LMBRD1: variants seen among roughly 807,000 people sequenced by gnomAD.
LMBRD1 encodes LMBR1 domain containing 1, also known as lysosomal cobalamin transport escort protein LMBD1.
In LMBRD1, 64 loss-of-function variants were observed where a neutral mutation model predicts 74.8. The observed-to-expected ratio is 0.86, with a 90% CI of 0.70 to 1.05. The LOEUF (loss-of-function observed/expected upper bound fraction) is 1.05. LMBRD1 is among the 50% of genes least tolerant of loss of function. The pLI is 0.00. For synonymous variants in LMBRD1, 204 were observed against 216.3 expected (o/e 0.94, Z 0.50); for missense variants, 652 against 645.9 (o/e 1.01, Z -0.10).
intron 9 of LMBRD1, among the ~76,000 whole-genome samples, chr6:69,707,045 G>T (rs529627908): frequency 1.9e-4 from 29 of 152,272 alleles, no homozygotes; most frequent in African/African-American, 6.7e-4. Context: ...TGCTCTTTCA[G>T]ATTGTTGGCT....
intron 7 of LMBRD1, among the ~76,000 whole-genome samples, chr6:69,724,158 C>G (rs937622290): frequency 1.3e-5 from 2 of 151,468 alleles, no homozygotes; most frequent in African/African-American, 4.8e-5. Context: ...GTAACAAGAT[C>G]AAAACTGTAA....
At chr6:69,767,117 C>G (rs1765488379) in intron 3 of LMBRD1, among the ~76,000 whole-genome samples, 1 of 151,638 alleles carries the variant, frequency 6.6e-6, no homozygotes, top group Non-Finnish European at 1.5e-5. Flanking sequence ...TCCCAATGCC[C>G]TAAGTCTGGC....
intron 11 of LMBRD1, 93 bp from the exon 12 acceptor site, chr6:69,700,962 C>A: frequency 2.3e-6 from 2 of 875,076 alleles, no homozygotes; most frequent in South Asian, 2.4e-5. Context: ...TATTCTCATC[C>A]GGCAAATGTT....
At chr6:69,795,267 C>T (rs1411009491) in intron 1 of LMBRD1, among the ~76,000 whole-genome samples, 6 of 152,176 alleles carry the variant, frequency 3.9e-5, no homozygotes, top group African/African-American at 1.4e-4. Flanking sequence ...GTAATATTGC[C>T]AACTTAAATG....
intron 3 of LMBRD1, among the ~76,000 whole-genome samples, chr6:69,754,062 C>T (rs1434565809): frequency 1.3e-5 from 2 of 151,984 alleles, no homozygotes; most frequent in Admixed American, 6.6e-5. Flanking sequence ...TACGATATGA[C>T]TCTACTTATA....
intron 3 of LMBRD1, among the ~76,000 whole-genome samples, chr6:69,763,311 C>CA (rs960398450): frequency 2.3e-4 from 34 of 146,994 alleles, no homozygotes; most frequent in East Asian, 1.6e-3. Context: ...ATCCACATTG[C>CA]AAAAAAAAAT....
intron 5 of LMBRD1, among the ~76,000 whole-genome samples, chr6:69,743,110 A>T (rs982019863): frequency 1.7e-4 from 26 of 152,290 alleles, no homozygotes; most frequent in Non-Finnish European, 3.2e-4. Context: ...ACACATCCAT[A>T]ACAGAAATAT....
chr6:69,796,785 T>A (rs756875572), intron 1 of LMBRD1, 28 bp downstream of exon 1: 6 of 1,605,954 alleles, frequency 3.7e-6, no homozygotes, highest in Non-Finnish European at 5.1e-6. Flanking sequence ...AGTCCAAACA[T>A]GGGGAAAACT....
intron 3 of LMBRD1, among the ~76,000 whole-genome samples, chr6:69,770,044 G>C (rs1765547396): frequency 6.6e-6 from 1 of 152,228 alleles, no homozygotes; most frequent in Admixed American, 6.5e-5. Context: ...ACATGACTAG[G>C]TTGGGCCCTC....
chr6:69,791,255 A>C (rs1229484667), intron 1 of LMBRD1, among the ~76,000 whole-genome samples: 1 of 152,206 alleles, frequency 6.6e-6, no homozygotes, highest in Non-Finnish European at 1.5e-5. Context: ...TTCAGATTCA[A>C]GAAGTCTGGA....
rs1386908310 is a variant in LMBRD1 at position 69,755,703 on chromosome 6, CAAAT to C, written c.308-3351_308-3348del. Among the ~76,000 whole-genome samples, 4 of 151,320 alleles carry C rather than the reference CAAAT, an allele frequency of 2.6e-5. No homozygotes were observed. In the East Asian group the frequency reaches 7.8e-4, roughly 29 times the overall value. ...ATGCCAATATTAGGATTAACATAAT[CAAAT>C]AAAATAATTTGTGTAAACTAGAAAA... On this transcript the variant is annotated intron_variant, in intron 3 of 15. Transcript: ENST00000649934.
intron 9 of LMBRD1, among the ~76,000 whole-genome samples, chr6:69,704,669 T>A (rs1200312057): frequency 2.2e-5 from 1 of 45,092 alleles, no homozygotes; most frequent in Non-Finnish European, 4.4e-5. Context: ...GGTAGTGGTC[T>A]GTCTATTAAT....
intron 7 of LMBRD1, among the ~76,000 whole-genome samples, chr6:69,721,086 G>C (rs976249824): frequency 2.6e-5 from 4 of 152,206 alleles, no homozygotes; most frequent in African/African-American, 9.6e-5. Flanking sequence ...CATCCCAGTG[G>C]TTGGAACTGG....
intron 5 of LMBRD1, among the ~76,000 whole-genome samples, chr6:69,743,192 G>C (rs909753279): frequency 2.6e-5 from 4 of 152,084 alleles, no homozygotes; most frequent in Non-Finnish European, 5.9e-5. Flanking sequence ...ATCCCAAAAA[G>C]TATGCTCTGA....
intron 1 of LMBRD1, 100 bp downstream of exon 1, chr6:69,796,711 GGC>G: frequency 9.2e-7 from 1 of 1,088,176 alleles, no homozygotes; most frequent in Non-Finnish European, 1.4e-6. Flanking sequence ...AGCGGGGCGG[GGC>G]GAAGAGGGTC....
chr6:69,783,043 CATAG>C (rs1448043533), intron 2 of LMBRD1, among the ~76,000 whole-genome samples: 8 of 152,152 alleles, frequency 5.3e-5, no homozygotes, highest in East Asian at 3.9e-4. Flanking sequence ...TATAAACTAG[CATAG>C]ATAAATATCT....
At chr6:69,752,465 AT>A (rs1175646233) in intron 3 of LMBRD1, 109 bp from the exon 4 acceptor site, 2 of 880,006 alleles carry the variant, frequency 2.3e-6, no homozygotes, top group Non-Finnish European at 3.6e-6. Flanking sequence ...CCCCTATCTG[AT>A]TCCCTCTTCT....
intron 7 of LMBRD1, among the ~76,000 whole-genome samples, chr6:69,724,786 A>G (rs1582090847): frequency 1.3e-5 from 2 of 152,066 alleles, no homozygotes. Context: ...AAAAACTGAA[A>G]GCCTTTCTTC....
intron 1 of LMBRD1, 105 bp downstream of exon 1, chr6:69,796,708 C>T: frequency 1.9e-6 from 2 of 1,043,642 alleles, no homozygotes; most frequent in Non-Finnish European, 2.9e-6. Context: ...AAAAGCGGGG[C>T]GGGGCGAAGA....
Sources: gnomAD v4.1 joint callset for allele counts (sites outside exome capture counted in the v4.1 genomes callset) on GRCh38, gnomAD v4.1.1 for gene constraint, MANE v1.5 for transcripts, NCBI Gene and HGNC (gene_info 2026-07-23, HGNC 2026-07-21) for gene names.